FAM120B: variants seen among roughly 807,000 people sequenced by gnomAD.
FAM120B encodes family with sequence similarity 120 member B.
In FAM120B, 83 loss-of-function variants were observed where a neutral mutation model predicts 96.3. The observed-to-expected ratio is 0.86, with a 90% CI of 0.72 to 1.03. The LOEUF is 1.03. FAM120B is among the 50% of genes least tolerant of loss of function. FAM120B has a pLI of 0.00. For synonymous variants in FAM120B, 407 were observed against 402.7 expected (o/e 1.01, Z -0.13); for missense variants, 1,027 against 1,121.2 (o/e 0.92, Z 1.20).
At chr6:170,290,934 T>C, upstream of FAM120B, 4 of 698,468 alleles carry the variant, frequency 5.7e-6, no homozygotes, top group South Asian at 5.9e-5. The surrounding 1 kb of genome is among the most constrained non-coding windows in gnomAD (Gnocchi z 4.7). Flanking sequence ...GATCTGGCTC[T>C]CGCCGGCGCC....
At chr6:170,403,586 C>T (rs1176046335) in intron 9 of FAM120B, among the ~76,000 whole-genome samples, 3 of 152,194 alleles carry the variant, frequency 2.0e-5, no homozygotes, top group Non-Finnish European at 4.4e-5. Context: ...TGGTCCACTT[C>T]AAAGGCCTCA....
chr6:170,318,075 C>T lies in FAM120B; in HGVS notation c.685C>T (p.Leu229Phe). The change falls in exon 2 of 11, where the codon CTT becomes TTT. Residue 229 changes from leucine to phenylalanine, a missense_variant. Physicochemically the swap from Leu to Phe is conservative, Grantham distance 22. Coordinates refer to ENST00000476287, the MANE Select transcript of FAM120B (RefSeq NM_032448.3). ...VADLPLLACLLGNDIIPEGMF... is the reference protein window; with the variant it reads ...VADLPLLACLFGNDIIPEGMF... ...CGACCTTCCTCTTCTGGCCTGCCTC[C>T]TTGGCAACGACATAATCCCAGAGGG... The T allele has an allele frequency of 6.2e-7, 1 of 1,614,182 alleles. No homozygotes were observed. The highest frequency in any genetic ancestry group is 8.5e-7 in the Non-Finnish European group (1 of 1,180,024).
intron 1 of FAM120B, among the ~76,000 whole-genome samples, chr6:170,314,908 C>G (rs958268636): frequency 6.6e-6 from 1 of 152,214 alleles, no homozygotes; most frequent in Non-Finnish European, 1.5e-5. Flanking sequence ...CACACTCTAA[C>G]TCATGATTCA....
chr6:170,304,549 CTT>C (rs746493095), upstream of FAM120B, among the ~76,000 whole-genome samples: 6 of 152,066 alleles, frequency 3.9e-5, no homozygotes, highest in Non-Finnish European at 8.8e-5. Flanking sequence ...TGTGTTTTCT[CTT>C]TTTCTTTTTT....
intron 1 of FAM120B, among the ~76,000 whole-genome samples, chr6:170,311,612 T>C (rs573028278): frequency 2.0e-5 from 3 of 152,354 alleles, no homozygotes; most frequent in Admixed American, 1.3e-4. Flanking sequence ...CTAGGTTGGC[T>C]TTCCCTGCTG....
chr6:170,318,670 T>C lies in FAM120B; in HGVS notation c.1280T>C (p.Met427Thr), dbSNP rs775919338. Residue 427 changes from methionine to threonine, a missense_variant, in exon 2 of 11, where the codon ATG becomes ACG. Met to Thr is a moderately conservative substitution (Grantham distance 81). This residue lies in a region of FAM120B where 880 missense variants were observed against 980.9 expected (regional missense o/e 0.90). Transcript: ENST00000476287. ...TGPEARQEVP[M>T]YTDSEPRQEV... ...CCTGAAGCCAGGCAAGAAGTTCCCA[T>C]GTATACAGACTCTGAACCCAGGCAA... The C allele has an allele frequency of 4.4e-6, 7 of 1,590,318 alleles. No individual in the cohort carries two copies. The Admixed American group carries it at 5.1e-5, about 12-fold the overall frequency.
chr6:170,298,134 A>G (rs532846401), intron 1 of FAM120B: 2 of 152,228 alleles, frequency 1.3e-5, no homozygotes, highest in African/African-American at 2.4e-5. Context: ...CAGTTTAAAC[A>G]AACCAAGCTC....
At chr6:170,313,549 C>T in intron 1 of FAM120B, among the ~76,000 whole-genome samples, 1 of 152,232 alleles carries the variant, frequency 6.6e-6, no homozygotes, top group South Asian at 2.1e-4. Context: ...CTCTGTTTGG[C>T]TTTGCTGCTT....
intron 4 of FAM120B, among the ~76,000 whole-genome samples, chr6:170,342,546 C>T (rs970612704): frequency 9.9e-5 from 15 of 152,180 alleles, no homozygotes; most frequent in African/African-American, 1.4e-4. Flanking sequence ...TCAGGAGGTG[C>T]GTTCACAACT....
At chr6:170,327,053 AT>A (rs200901281) in intron 3 of FAM120B, among the ~76,000 whole-genome samples, 8 of 146,904 alleles carry the variant, frequency 5.4e-5, no homozygotes, top group African/African-American at 1.0e-4. Flanking sequence ...CAAAACTTGA[AT>A]TTTTTTTTTT....
chr6:170,301,207 C>T (rs1312092496), intron 1 of FAM120B, among the ~76,000 whole-genome samples: 1 of 152,250 alleles, frequency 6.6e-6, no homozygotes, highest in East Asian at 1.9e-4. Flanking sequence ...CTGTTCTTGT[C>T]TTTGGCGCAC....
intron 1 of FAM120B, chr6:170,298,472 T>C (rs568633816): frequency 1.3e-5 from 2 of 152,286 alleles, no homozygotes; most frequent in South Asian, 2.1e-4. Context: ...AGAACAGGGA[T>C]AGTTCTGGAT....
chr6:170,377,866 A>G (rs915778123), intron 6 of FAM120B, among the ~76,000 whole-genome samples: 2 of 107,758 alleles, frequency 1.9e-5, no homozygotes, highest in African/African-American at 8.0e-5. Context: ...CTGGGAGAGC[A>G]CCGGCTCACG....
intron 6 of FAM120B, among the ~76,000 whole-genome samples, chr6:170,382,072 C>G (rs1463897626): frequency 6.6e-6 from 1 of 152,132 alleles, no homozygotes; most frequent in Non-Finnish European, 1.5e-5. Context: ...AAAACTGTCT[C>G]TATTTGCAAA....
chr6:170,387,413 C>A (rs377474985), intron 6 of FAM120B, among the ~76,000 whole-genome samples: 16 of 152,110 alleles, frequency 1.1e-4, no homozygotes, highest in Admixed American at 2.6e-4. Flanking sequence ...CATAGATAAG[C>A]CAGACAATGA....
Position 170,388,296 on chromosome 6 carries a change from A to G in FAM120B, c.2293A>G (p.Ile765Val). ...SQLVNLQPDY[I>V]NPRAVQLGSL... ...GTTCTGGTCTCCACAGCCTGATTACATCAACCCCAGAGCCGTGCAGCTGGG... is the reference window on the plus strand; with the variant it reads ...GTTCTGGTCTCCACAGCCTGATTACGTCAACCCCAGAGCCGTGCAGCTGGG... Residue 765 changes from isoleucine (I) to valine (V), a missense_variant, in exon 7 of 11, where the codon ATC (isoleucine) becomes GTC (valine). Ile to Val is a conservative substitution (Grantham distance 29). Around this residue, in one of 3 missense-constraint regions of FAM120B, gnomAD observed 880 missense variants for 980.9 expected, o/e 0.90. Transcript: ENST00000476287. 6.2e-7 allele frequency: 1 copy of G among 1,613,720 alleles called. No homozygotes were observed. Among genetic ancestry groups the G allele is most frequent in the African/African-American group, 1.3e-5 (1 of 75,032 alleles).
chr6:170,395,148 A>G (rs1320031137), intron 8 of FAM120B, among the ~76,000 whole-genome samples: 1 of 152,094 alleles, frequency 6.6e-6, no homozygotes, highest in Non-Finnish European at 1.5e-5. Flanking sequence ...CCCTAGAGGG[A>G]TGGGCTTGGT....
intron 1 of FAM120B, among the ~76,000 whole-genome samples, chr6:170,307,320 A>G (rs1784354384): frequency 6.6e-6 from 1 of 152,188 alleles, no homozygotes; most frequent in Non-Finnish European, 1.5e-5. Context: ...TCCCTGAATC[A>G]GGGCCCCAGC....
intron 9 of FAM120B, among the ~76,000 whole-genome samples, chr6:170,397,616 C>G (rs902495059): frequency 7.2e-5 from 11 of 152,154 alleles, no homozygotes; most frequent in Non-Finnish European, 1.6e-4. Context: ...CCACATCCAG[C>G]TGATGATGGC....
Sources: allele counts gnomAD v4.1 joint callset (sites outside exome capture counted in the v4.1 genomes callset), GRCh38; gene constraint gnomAD v4.1.1; regional missense constraint gnomAD v4.1.1; non-coding constraint Gnocchi (gnomAD v3.1); transcripts MANE v1.5; gene names NCBI Gene and HGNC (gene_info 2026-07-23, HGNC 2026-07-21).